Variants in CSMD1 observed in about 807,000 individuals in gnomAD.
CSMD1 encodes the protein CUB and Sushi multiple domains 1.
In CSMD1, 213 loss-of-function variants were observed where a neutral mutation model predicts 417.5. That is an observed-to-expected ratio of 0.51 (90% CI 0.46 to 0.57). CSMD1 has a LOEUF of 0.57. Among genes scored for constraint, CSMD1 ranks in the 20% least tolerant of loss-of-function variants. The probability of loss-of-function intolerance (pLI) is 0.00; values close to 1 mark genes in which losing one functional copy is unlikely to be tolerated. For synonymous variants in CSMD1, 2,862 were observed against 1,736.8 expected (o/e 1.65, Z -16.11); for missense variants, 6,923 against 4,529.7 (o/e 1.53, Z -15.17).
At chr8:4,419,017 T>C (rs1226403075) in intron 3 of CSMD1, among the ~76,000 whole-genome samples, 1 of 152,168 alleles carries the variant, frequency 6.6e-6, no homozygotes, top group East Asian at 1.9e-4. Context: ...AGCCACCCAT[T>C]TGCACAAACC....
intron 5 of CSMD1, among the ~76,000 whole-genome samples, chr8:3,898,464 T>C (rs1324550605): frequency 6.6e-6 from 1 of 152,242 alleles, no homozygotes; most frequent in Non-Finnish European, 1.5e-5. Context: ...AATAATATTA[T>C]GGATGTCGCA....
intron 3 of CSMD1, among the ~76,000 whole-genome samples, chr8:4,153,741 TC>T (rs1796687551): frequency 6.6e-6 from 1 of 152,222 alleles, no homozygotes; most frequent in Non-Finnish European, 1.5e-5. Context: ...GGGCACGGTT[TC>T]AGTGTGGTGA....
At chr8:4,456,083 T>C (rs1208576731) in intron 2 of CSMD1, among the ~76,000 whole-genome samples, 2 of 108,246 alleles carry the variant, frequency 1.8e-5, no homozygotes, top group African/African-American at 7.3e-5. Flanking sequence ...AAAAAAAAAA[T>C]GTGAAAGTAC....
At chr8:3,090,316 CA>C (rs35534326) in intron 48 of CSMD1, among the ~76,000 whole-genome samples, 16,997 of 77,838 alleles carry the variant, frequency 0.22, 506 homozygotes, top group Middle Eastern at 0.32. Context: ...GACTGTATTT[CA>C]AAAAAAAAAA....
intron 11 of CSMD1, among the ~76,000 whole-genome samples, chr8:3,493,191 G>A (rs181603010): frequency 2.6e-3 from 389 of 151,772 alleles, no homozygotes; most frequent in Middle Eastern, 6.8e-3. Context: ...CTACTCAGGA[G>A]GGTGAGGCAG....
At chr8:3,211,622 T>C (rs1004750595) in intron 30 of CSMD1, among the ~76,000 whole-genome samples, 12 of 152,216 alleles carry the variant, frequency 7.9e-5, no homozygotes, top group African/African-American at 2.9e-4. Flanking sequence ...ACCTAGAGAC[T>C]GTCATCGCTC....
intron 10 of CSMD1, among the ~76,000 whole-genome samples, chr8:3,550,966 A>C (rs2116778732): frequency 1.3e-5 from 2 of 151,664 alleles, no homozygotes; most frequent in Admixed American, 1.3e-4. Context: ...CCACTACTCA[A>C]CTTGAAGTGA....
intron 18 of CSMD1, among the ~76,000 whole-genome samples, chr8:3,375,526 T>G (rs577821684): frequency 6.6e-6 from 1 of 152,274 alleles, no homozygotes; most frequent in South Asian, 2.1e-4. Flanking sequence ...AGTCGCTGAT[T>G]TTATTCATAT....
At chr8:4,780,082 G>C (rs903261800) in intron 1 of CSMD1, among the ~76,000 whole-genome samples, 1 of 152,112 alleles carries the variant, frequency 6.6e-6, no homozygotes, top group African/African-American at 2.4e-5. Context: ...GATGTCTGTT[G>C]AATATGATAC....
At position 3,181,150 on chromosome 8, in the gene CSMD1, G is replaced by A. The variant is rs1585575639; in HGVS notation, c.5685C>T (p.Asp1895=). 2.5e-6 allele frequency: 4 copies of A among 1,613,894 alleles called. No homozygotes were observed. The highest frequency in any genetic ancestry group is 2.2e-5 in the East Asian group (1 of 44,874). Residue 1895 remains aspartate, a synonymous_variant, in exon 37 of 70, where the codon GAC becomes GAT. Transcript: ENST00000635120. The part of the protein sequence containing the change: ...SNQLYLHFQS[D]ISVAAAGFHL... ...GGAAACCAGCAGCTGCCACACTAAT[G>A]TCAGACTGGAAATGCAGGTAGAGTT...
In CSMD1 at chr8:2,961,366, C is replaced by T. The variant is rs182724072; in HGVS notation, c.9629-152G>A. ...TTCAGGAAAGTTAAAAATTAAATTG[C>T]TACTTTTATCTTCTCTTCAAGACAT... On this transcript the variant is annotated intron_variant, in intron 61 of 69. Transcript: ENST00000635120. Among the ~76,000 whole-genome samples, 346 of 152,198 alleles carry T rather than the reference C, an allele frequency of 2.3e-3. 2 individuals carry two copies. The highest frequency in any genetic ancestry group is 7.9e-3 in the African/African-American group (327 of 41,540).
intron 3 of CSMD1, among the ~76,000 whole-genome samples, chr8:4,158,521 A>G (rs772585309): frequency 6.6e-6 from 1 of 152,136 alleles, no homozygotes; most frequent in Non-Finnish European, 1.5e-5. Context: ...CTCCCAAAGA[A>G]ACAGTAATAT....
At chr8:4,486,895 G>C (rs1422535914) in intron 2 of CSMD1, among the ~76,000 whole-genome samples, 1 of 152,096 alleles carries the variant, frequency 6.6e-6, no homozygotes, top group Non-Finnish European at 1.5e-5. Flanking sequence ...AAAGCAAGAA[G>C]AAGGGGGAAT....
intron 5 of CSMD1, among the ~76,000 whole-genome samples, chr8:3,795,326 G>GATAT (rs1439945308): frequency 0.2 from 4,470 of 22,608 alleles, 1,971 homozygotes; most frequent in African/African-American, 0.48. Flanking sequence ...TACAGATATA[G>GATAT]ATATCTATCA....
chr8:4,197,972 G>T (rs974870552), intron 3 of CSMD1, among the ~76,000 whole-genome samples: 8 of 152,138 alleles, frequency 5.3e-5, no homozygotes, highest in East Asian at 1.9e-4. Context: ...CTTGACTCTG[G>T]GAATAAAGTA....
chr8:3,013,561 G>C (rs930028849), intron 52 of CSMD1, among the ~76,000 whole-genome samples: 2 of 152,054 alleles, frequency 1.3e-5, no homozygotes, highest in Non-Finnish European at 1.5e-5. Flanking sequence ...GACCAGCCTG[G>C]CCAACATGGT....
At chr8:3,956,461 T>G (rs1811954375) in intron 5 of CSMD1, among the ~76,000 whole-genome samples, 1 of 152,182 alleles carries the variant, frequency 6.6e-6, no homozygotes, top group South Asian at 2.1e-4. Context: ...AGCTTGAGTT[T>G]CATAATCATC....
At chr8:4,970,132 A>G (rs1355373061) in intron 1 of CSMD1, among the ~76,000 whole-genome samples, 1 of 149,316 alleles carries the variant, frequency 6.7e-6, no homozygotes, top group Non-Finnish European at 1.5e-5. Flanking sequence ...TTCTATACAC[A>G]TTTAGAAGGC....
chr8:4,575,832 G>A (rs778959374), intron 2 of CSMD1, among the ~76,000 whole-genome samples: 37 of 152,132 alleles, frequency 2.4e-4, no homozygotes, highest in Admixed American at 4.6e-4. Context: ...AATGTCCTTA[G>A]ACTAGATCAT....
Sources: gnomAD v4.1 joint callset for allele counts (sites outside exome capture counted in the v4.1 genomes callset) on GRCh38, gnomAD v4.1.1 for gene constraint, MANE v1.5 for transcripts, NCBI Gene and HGNC (gene_info 2026-07-23, HGNC 2026-07-21) for gene names.